The following RORA variants were observed in gnomAD, a reference collection of about 807,000 sequenced individuals.
RORA encodes RAR related orphan receptor A, also known as nuclear receptor ROR-alpha.
Under a neutral mutation model 69.5 loss-of-function variants are expected in RORA, and 7 were observed. The observed-to-expected ratio is 0.10, with a 90% CI of 0.06 to 0.19. The LOEUF (loss-of-function observed/expected upper bound fraction) is 0.19, where lower values mean the gene tolerates loss of function less well. Among genes scored for constraint, RORA ranks in the 10% least tolerant of loss-of-function variants. The pLI, the probability that RORA is intolerant of heterozygous loss-of-function variation, is 1.00. For missense variants in RORA, 457 were observed against 663.0 expected, an observed-to-expected ratio of 0.69 and a Z score of 3.41; for synonymous variants, 261 against 240.8, an observed-to-expected ratio of 1.08 and a Z score of -0.78.
intron 2 of RORA, among the ~76,000 whole-genome samples, chr15:60,557,537 T>C (rs966817587): frequency 6.6e-6 from 1 of 152,246 alleles, no homozygotes; most frequent in Admixed American, 6.5e-5. Context: ...TGAACTGTTA[T>C]AAACTCTGGG....
chr15:61,188,622 A>G (rs1389759802), intron 1 of RORA, among the ~76,000 whole-genome samples: 1 of 152,210 alleles, frequency 6.6e-6, no homozygotes, highest in East Asian at 1.9e-4. Context: ...ACTAGGAAAT[A>G]ATCATTAATG....
At chr15:60,923,542 TC>T (rs1261168147) in intron 1 of RORA, among the ~76,000 whole-genome samples, 4 of 152,174 alleles carry the variant, frequency 2.6e-5, no homozygotes, top group Non-Finnish European at 5.9e-5. Flanking sequence ...GGCACCAACT[TC>T]CGTGGGCTTC....
intron 1 of RORA, among the ~76,000 whole-genome samples, chr15:61,031,539 T>C (rs1456206536): frequency 1.3e-5 from 2 of 152,198 alleles, no homozygotes; most frequent in Non-Finnish European, 2.9e-5. Flanking sequence ...TAGACATACA[T>C]GTATGAAGTA....
rs2079358450 is a variant in RORA at position 61,147,247 on chromosome 15, T to G, written c.166+81806A>C. 6.6e-6 allele frequency among the ~76,000 whole-genome samples: 1 copy of G among 151,996 alleles called. No homozygotes were observed. Among genetic ancestry groups the G allele is most frequent in the Admixed American group, 6.5e-5 (1 of 15,274 alleles). On this transcript the variant is annotated intron_variant, in intron 1 of 10. Coordinates refer to ENST00000335670, the MANE Select transcript of RORA (RefSeq NM_134261.3). The surrounding 1 kb of genome is among the most constrained non-coding windows in gnomAD (Gnocchi z 4.1). The stretch of plus-strand genomic sequence containing the variant: ...TCGTTTCCACCACCCAAGAGAACCG[T>G]AAAGGTGGAAAGGGGCATTAAAGGA...
intron 1 of RORA, among the ~76,000 whole-genome samples, chr15:61,008,195 CTCTCTCTCTG>C (rs995001429): frequency 9.5e-5 from 8 of 84,618 alleles, no homozygotes; most frequent in Non-Finnish European, 2.2e-4. Flanking sequence ...TCAAAATTCT[CTCTCTCTCTG>C]TGTGTGTGTG....
intron 1 of RORA, among the ~76,000 whole-genome samples, chr15:60,872,778 G>A (rs1413236298): frequency 1.3e-5 from 2 of 151,840 alleles, no homozygotes; most frequent in Non-Finnish European, 2.9e-5. Flanking sequence ...CCTTAGCATG[G>A]TGCACAAGCT....
intron 3 of RORA, chr15:60,528,122 A>G (rs1444286569): frequency 1.3e-5 from 2 of 152,510 alleles, no homozygotes; most frequent in African/African-American, 4.8e-5. Context: ...TGGCACCATC[A>G]TAGCTCACCA....
chr15:60,538,952 TA>T (rs1230390403), intron 2 of RORA, among the ~76,000 whole-genome samples: 3 of 150,794 alleles, frequency 2.0e-5, no homozygotes, highest in South Asian at 2.1e-4. Flanking sequence ...TTAATGGCTT[TA>T]AAAAAAACAT....
At chr15:60,702,311 A>T (rs1248386878) in intron 1 of RORA, among the ~76,000 whole-genome samples, 1 of 152,132 alleles carries the variant, frequency 6.6e-6, no homozygotes, top group East Asian at 1.9e-4. Flanking sequence ...CTGCAACCTC[A>T]ACCTCTGCCT....
intron 1 of RORA, among the ~76,000 whole-genome samples, chr15:61,135,060 C>G (rs911080785): frequency 1.3e-4 from 20 of 150,782 alleles, no homozygotes; most frequent in African/African-American, 4.7e-4. Context: ...GTAATCCCAG[C>G]ACTCTGGGAG....
At chr15:61,177,756 T>G (rs766396072) in intron 1 of RORA, among the ~76,000 whole-genome samples, 6 of 152,036 alleles carry the variant, frequency 3.9e-5, no homozygotes, top group Non-Finnish European at 7.4e-5. Flanking sequence ...AGGTCAGAAG[T>G]TCGAGACCAG....
At chr15:60,978,463 T>C (rs1893940011) in intron 1 of RORA, among the ~76,000 whole-genome samples, 1 of 152,204 alleles carries the variant, frequency 6.6e-6, no homozygotes, top group Non-Finnish European at 1.5e-5. Context: ...TATCCTATTC[T>C]ATGGGTTGCT....
intron 4 of RORA, among the ~76,000 whole-genome samples, chr15:60,513,572 G>A (rs2065772262): frequency 6.6e-6 from 1 of 152,214 alleles, no homozygotes; most frequent in African/African-American, 2.4e-5. Flanking sequence ...AACTTTGTCA[G>A]TTTAGTACCA....
At chr15:60,750,716 C>T (rs2071711959) in intron 1 of RORA, among the ~76,000 whole-genome samples, 1 of 152,152 alleles carries the variant, frequency 6.6e-6, no homozygotes, top group African/African-American at 2.4e-5. Context: ...ATGTAGAAAA[C>T]AGTTTCAGAA....
chr15:60,499,590 T>C (rs560716526), intron 10 of RORA, among the ~76,000 whole-genome samples: 2 of 152,342 alleles, frequency 1.3e-5, no homozygotes, highest in African/African-American at 2.4e-5. Context: ...CAGTGCAGAA[T>C]ATTAACTCTG....
At chr15:60,728,985 C>T (rs1478430408) in intron 1 of RORA, among the ~76,000 whole-genome samples, 6 of 152,184 alleles carry the variant, frequency 3.9e-5, no homozygotes, top group Non-Finnish European at 8.8e-5. Flanking sequence ...AGAGCTAATA[C>T]GTTGTTATAT....
At chr15:61,090,056 C>T (rs2078682960) in intron 1 of RORA, among the ~76,000 whole-genome samples, 1 of 152,154 alleles carries the variant, frequency 6.6e-6, no homozygotes, top group African/African-American at 2.4e-5. Context: ...GGGTTTTTGC[C>T]CAGAAGACTT....
chr15:60,990,385 A>C (rs2140368998), intron 1 of RORA, among the ~76,000 whole-genome samples: 1 of 152,346 alleles, frequency 6.6e-6, no homozygotes, highest in South Asian at 2.1e-4. Flanking sequence ...ATTATTAAGA[A>C]GTAGAAAAAT....
At chr15:60,743,235 G>A (rs1325599974) in intron 1 of RORA, among the ~76,000 whole-genome samples, 2 of 151,898 alleles carry the variant, frequency 1.3e-5, no homozygotes, top group African/African-American at 4.8e-5. Flanking sequence ...GGCTGGTCTT[G>A]AACTCCTTAC....
Sources: gnomAD v4.1 joint callset for allele counts (sites outside exome capture counted in the v4.1 genomes callset) on GRCh38, gnomAD v4.1.1 for gene constraint, Gnocchi (gnomAD v3.1) non-coding constraint, MANE v1.5 for transcripts, NCBI Gene and HGNC (gene_info 2026-07-23, HGNC 2026-07-21) for gene names.